Variants in SIPA1L3 observed in about 807,000 individuals in gnomAD.
SIPA1L3 encodes signal-induced proliferation-associated 1-like protein 3.
A neutral mutation model predicts 150.1 loss-of-function variants in SIPA1L3; 59 were observed. The ratio of observed to expected loss-of-function variants is 0.39; its 90% CI spans 0.32 to 0.49. SIPA1L3 has a LOEUF of 0.49. Among genes scored for constraint, SIPA1L3 ranks in the 20% least tolerant of loss-of-function variants. The pLI, the probability that SIPA1L3 is intolerant of heterozygous loss-of-function variation, is 0.86. For synonymous variants in SIPA1L3, 1,070 were observed against 1,077.6 expected (o/e 0.99, Z 0.14); for missense variants, 2,211 against 2,489.5 (o/e 0.89, Z 2.38).
chr19:38,175,601 G>A (rs760073115), intron 15 of SIPA1L3, among the ~76,000 whole-genome samples: 3 of 152,180 alleles, frequency 2.0e-5, no homozygotes, highest in Non-Finnish European at 4.4e-5. Context: ...CACCAGTGCT[G>A]TCTGAGCCCA....
rs1967838533 is a variant in SIPA1L3, at chr19:38,002,741, AAAAT to A, written c.-378-26347_-378-26344del. Among the ~76,000 whole-genome samples the A allele has an allele frequency of 7.7e-5, 11 of 142,890 alleles. No individual in the cohort carries two copies. The South Asian group carries it at 2.1e-3, about 27-fold the overall frequency. 93.7% of individuals were successfully genotyped at this position (142,890 alleles called of 152,430 possible). A position where few individuals can be genotyped will look rare whatever the true frequency, so the allele number is the denominator to read the frequency against. ...TCAAAAAAAAAAAAAAAAAAAAAAA[AAAAT>A]TTATATGTATATATATATATCTCAC... On this transcript the variant is annotated intron_variant, in intron 1 of 21. Transcript: ENST00000222345.
chr19:38,065,305 GC>G (rs1343180868), intron 2 of SIPA1L3, among the ~76,000 whole-genome samples: 1 of 151,918 alleles, frequency 6.6e-6, no homozygotes, highest in African/African-American at 2.4e-5. Flanking sequence ...CAAGTAGAGA[GC>G]TCTAACTGTG....
intron 1 of SIPA1L3, among the ~76,000 whole-genome samples, chr19:37,975,746 G>C (rs1326538193): frequency 2.0e-5 from 3 of 152,188 alleles, no homozygotes; most frequent in African/African-American, 7.2e-5. Flanking sequence ...GGGACTGCCA[G>C]ACACAGACTT....
chr19:38,165,980 C>G (rs1276843974), intron 15 of SIPA1L3, among the ~76,000 whole-genome samples: 1 of 151,122 alleles, frequency 6.6e-6, no homozygotes, highest in Non-Finnish European at 1.5e-5. Context: ...CCAGGCTGGT[C>G]TCAAACTCCT....
rs185936296 is a variant in SIPA1L3, at chr19:38,084,721, C to T, written c.1534+1622C>T. Among the ~76,000 whole-genome samples the T allele has an allele frequency of 1.3e-4, 19 of 150,236 alleles. No individual in the cohort carries two copies. The East Asian group carries it at 3.7e-3, about 29-fold the overall frequency. On this transcript the variant is annotated intron_variant, in intron 3 of 21. Transcript: ENST00000222345. ...GTGGCGCGATCTCAGCTCACTGCAG[C>T]CTCTGCCTCCTGGGTTCACGCGATT...
At position 38,152,964 on chromosome 19, in the gene SIPA1L3, C is replaced by A. The variant is rs1235409806; in HGVS notation, c.3658C>A (p.Pro1220Thr). The A allele has an allele frequency of 7.4e-6, 12 of 1,611,876 alleles. No individual in the cohort carries two copies. The highest frequency in any genetic ancestry group is 1.6e-4 in the Middle Eastern group (1 of 6,078). The change falls in exon 13 of 22, where the codon CCA becomes ACA. Residue 1220 changes from proline (P) to threonine (T), a missense_variant. Transcript: ENST00000222345. ...GGAGAGCACCATGGAACGCCAGAAG[C>A]CAGGTAGGGCCCCCACCAGCTGCTG... The part of the protein sequence containing the change: ...SQESTMERQK[P>T]EPLWHVPAQA...
intron 2 of SIPA1L3, among the ~76,000 whole-genome samples, chr19:38,076,372 T>C (rs1205073180): frequency 6.6e-6 from 1 of 152,092 alleles, no homozygotes; most frequent in Non-Finnish European, 1.5e-5. Flanking sequence ...ACATGCAGAA[T>C]TAAATCATAA....
At chr19:38,112,811 C>A (rs1970796316) in intron 8 of SIPA1L3, among the ~76,000 whole-genome samples, 1 of 152,188 alleles carries the variant, frequency 6.6e-6, no homozygotes, top group African/African-American at 2.4e-5. Flanking sequence ...CTGACCCTGC[C>A]TCTACCCTGT....
rs34741674 is a variant in SIPA1L3 at position 38,080,969 on chromosome 19, C to CA, written c.-310-272dup. ...TGGGTGACAGAGCGAGACTCTGTCT[C>CA]AAAAAAAAAAAAAAATGATGTCTGG... On this transcript the variant is annotated intron_variant, in intron 2 of 21. Coordinates refer to ENST00000222345, the MANE Select transcript of SIPA1L3 (RefSeq NM_015073.3). Among the ~76,000 whole-genome samples, 982 of 117,494 alleles carry CA rather than the reference C, an allele frequency of 8.4e-3. 4 individuals are homozygous for CA. Among genetic ancestry groups the CA allele is most frequent in the Middle Eastern group, 0.056 (11 of 196 alleles). The allele number at this position is 117,494 out of a possible 152,430, so 77.1% of individuals were successfully genotyped here. A position where few individuals can be genotyped will look rare whatever the true frequency, so the allele number is the denominator to read the frequency against.
intron 2 of SIPA1L3, among the ~76,000 whole-genome samples, chr19:38,073,552 C>T (rs1969770058): frequency 6.6e-6 from 1 of 152,224 alleles, no homozygotes; most frequent in South Asian, 2.1e-4. Flanking sequence ...CCCTCCTTCA[C>T]ACAGCACCGT....
intron 9 of SIPA1L3, among the ~76,000 whole-genome samples, chr19:38,128,743 C>T (rs1471325513): frequency 6.6e-6 from 1 of 151,818 alleles, no homozygotes; most frequent in Non-Finnish European, 1.5e-5. Context: ...CTAAAAGTAC[C>T]AAAATTAGCT....
intron 3 of SIPA1L3, among the ~76,000 whole-genome samples, chr19:38,086,932 T>C (rs1056918070): frequency 6.6e-6 from 1 of 152,168 alleles, no homozygotes; most frequent in Non-Finnish European, 1.5e-5. Flanking sequence ...CAACCTAATG[T>C]TGCTGATGAC....
chr19:38,130,529 T>G lies in SIPA1L3; in HGVS notation c.2900T>G (p.Met967Arg). 1 of 1,613,126 alleles carries G rather than the reference T, an allele frequency of 6.2e-7. No homozygotes were observed. Among genetic ancestry groups the G allele is most frequent in the Non-Finnish European group, 8.5e-7 (1 of 1,179,902 alleles). ...VMTSGWETVD[M>R]TLRRNGLGQL... ...ACCAGTGGCTGGGAGACGGTGGACA[T>G]GACGCTTCGGCGGAACGGGCTCGGG... is the stretch of plus-strand genomic sequence containing the variant. Residue 967 changes from methionine to arginine, a missense_variant, in exon 10 of 22, where the codon ATG becomes AGG. Physicochemically the swap from Met to Arg is moderately conservative, Grantham distance 91. Coordinates refer to ENST00000222345, the MANE Select transcript of SIPA1L3 (RefSeq NM_015073.3).
intron 1 of SIPA1L3, among the ~76,000 whole-genome samples, chr19:37,977,669 G>A (rs1967107921): frequency 6.6e-6 from 1 of 152,032 alleles, no homozygotes. Context: ...TTGGGGCAGA[G>A]ACTCCAGGCT....
intron 1 of SIPA1L3, among the ~76,000 whole-genome samples, chr19:37,941,459 T>G (rs1039185066): frequency 2.9e-5 from 4 of 136,028 alleles, no homozygotes; most frequent in African/African-American, 5.6e-5. Flanking sequence ...TGTGTTTTTT[T>G]TTTTTTTTTT....
Position 38,081,753 on chromosome 19 carries a change from C to G in SIPA1L3, c.188C>G (p.Ala63Gly), listed in dbSNP as rs71354966. 1 of 1,603,216 alleles carries G rather than the reference C, an allele frequency of 6.2e-7. No homozygotes were observed. Among genetic ancestry groups the G allele is most frequent in the South Asian group, 1.1e-5 (1 of 90,488 alleles). Reference protein sequence around the residue: ...SPATATATATATTRPSPTTPA... With the variant: ...SPATATATATGTTRPSPTTPA... ...GCCACCGCCACCGCCACCGCCACCG[C>G]CACCACCCGCCCCAGCCCCACCACT... The change falls in exon 3 of 22, where the codon GCC (alanine) becomes GGC (glycine). Residue 63 changes from alanine to glycine, a missense_variant. Ala to Gly is a moderately conservative substitution (Grantham distance 60). Around this residue, in one of 5 missense-constraint regions of SIPA1L3, gnomAD observed 130 missense variants for 174.5 expected, o/e 0.74. Coordinates refer to ENST00000222345, the MANE Select transcript of SIPA1L3 (RefSeq NM_015073.3).
chr19:38,127,508 TTAAAGACAA>T (rs1971203399), intron 9 of SIPA1L3, among the ~76,000 whole-genome samples: 1 of 152,160 alleles, frequency 6.6e-6, no homozygotes, highest in East Asian at 1.9e-4. Context: ...ACTTTAATTT[TTAAAGACAA>T]GGTCTTGGTG....
chr19:37,973,462 C>T (rs1331585795), intron 1 of SIPA1L3, among the ~76,000 whole-genome samples: 7 of 149,038 alleles, frequency 4.7e-5, no homozygotes, highest in Middle Eastern at 3.5e-3. Flanking sequence ...CTCGAACTCC[C>T]GACCTCAGGT....
chr19:38,170,181 G>A (rs563290225), intron 15 of SIPA1L3, among the ~76,000 whole-genome samples: 1 of 152,250 alleles, frequency 6.6e-6, no homozygotes, highest in South Asian at 2.1e-4. Context: ...AAGTCAGGAG[G>A]GAAAAGCAGT....
Sources: gnomAD v4.1 joint callset for allele counts (sites outside exome capture counted in the v4.1 genomes callset) on GRCh38, gnomAD v4.1.1 for gene constraint, gnomAD v4.1.1 regional missense constraint, MANE v1.5 for transcripts, NCBI Gene and HGNC (gene_info 2026-07-23, HGNC 2026-07-21) for gene names.